The following RAPGEF5 variants were observed in gnomAD, a reference collection of about 807,000 sequenced individuals.
RAPGEF5 encodes the protein Rap guanine nucleotide exchange factor 5.
Under a neutral mutation model 125.2 loss-of-function variants are expected in RAPGEF5, and 65 were observed. The observed-to-expected ratio is 0.52, with a 90% confidence interval of 0.43 to 0.64. The LOEUF (loss-of-function observed/expected upper bound fraction) is 0.64. Among genes scored for constraint, RAPGEF5 ranks in the 30% least tolerant of loss-of-function variants. The pLI is 0.00. For missense variants in RAPGEF5, 958 were observed against 1,048.1 expected (o/e 0.91, Z 1.19); for synonymous variants, 391 against 385.9 (o/e 1.01, Z -0.16).
chr7:22,344,240 C>T (rs1784182466), intron 1 of RAPGEF5, among the ~76,000 whole-genome samples: 1 of 152,196 alleles, frequency 6.6e-6, no homozygotes, highest in South Asian at 2.1e-4. Flanking sequence ...CATGGCTACA[C>T]CTCCCACTGT....
chr7:22,151,758 C>T (rs1004600066), intron 17 of RAPGEF5, among the ~76,000 whole-genome samples: 5 of 152,144 alleles, frequency 3.3e-5, no homozygotes, highest in African/African-American at 4.8e-5. Flanking sequence ...GCCACTGCAC[C>T]CAGTCTGATC....
chr7:22,316,594 G>T (rs1458685354), intron 2 of RAPGEF5, among the ~76,000 whole-genome samples: 1 of 147,766 alleles, frequency 6.8e-6, no homozygotes, highest in Non-Finnish European at 1.5e-5. Context: ...AAGCTCAGTC[G>T]ATCCTCCCAC....
At chr7:22,189,984 T>A (rs897076305) in intron 11 of RAPGEF5, among the ~76,000 whole-genome samples, 29 of 152,084 alleles carry the variant, frequency 1.9e-4, no homozygotes, top group African/African-American at 6.8e-4. Flanking sequence ...TCTTTAAAAG[T>A]TTAGGAAATT....
intron 9 of RAPGEF5, among the ~76,000 whole-genome samples, chr7:22,213,494 T>C (rs1329072156): frequency 6.6e-6 from 1 of 152,238 alleles, no homozygotes; most frequent in African/African-American, 2.4e-5. Context: ...CCAGCTAGAC[T>C]GTAAACTTCT....
chr7:22,144,925 T>G, intron 20 of RAPGEF5, 119 bp downstream of exon 20: 1 of 1,176,660 alleles, frequency 8.5e-7, no homozygotes, highest in Non-Finnish European at 1.2e-6. Flanking sequence ...ATTTAGTCAT[T>G]TAACTCCATA....
At position 22,130,881 on chromosome 7, in the gene RAPGEF5, CAGCAAATAAGCTCCTTGAATGA is replaced by C. The variant is rs1358380427; in HGVS notation, c.2481+134_2481+155del. On this transcript the variant is annotated intron_variant, in intron 24 of 25. Transcript: ENST00000665637. ...CATTTTGTTGGCAGCGTACAACATG[CAGCAAATAAGCTCCTTGAATGA>C]AGCAAATAAGCTCCTTGAATTCGCC... 2.0e-4 allele frequency: 210 copies of C among 1,027,220 alleles called. 2 individuals carry two copies. The East Asian group carries it at 5.7e-3, about 28-fold the overall frequency. 63.6% of individuals were successfully genotyped at this position (1,027,220 alleles called of 1,614,324 possible). A position where few individuals can be genotyped will look rare whatever the true frequency, so the allele number is the denominator to read the frequency against.
intron 7 of RAPGEF5, among the ~76,000 whole-genome samples, chr7:22,253,303 C>A (rs544793155): frequency 6.6e-6 from 1 of 152,158 alleles, no homozygotes; most frequent in Non-Finnish European, 1.5e-5. Flanking sequence ...ACACATTCAG[C>A]GGGGTTATCA....
chr7:22,151,425 T>C (rs1783622421), intron 17 of RAPGEF5, among the ~76,000 whole-genome samples: 2 of 151,578 alleles, frequency 1.3e-5, no homozygotes, highest in Middle Eastern at 3.2e-3. Flanking sequence ...AAAATAGGTA[T>C]AAAACTTGCA....
chr7:22,188,927 C>T (rs1258287515), intron 11 of RAPGEF5, among the ~76,000 whole-genome samples: 1 of 151,954 alleles, frequency 6.6e-6, no homozygotes, highest in Non-Finnish European at 1.5e-5. Flanking sequence ...GCTCAACCTA[C>T]TATGTGTTGC....
At chr7:22,333,898 G>A (rs894121251) in intron 1 of RAPGEF5, among the ~76,000 whole-genome samples, 1 of 151,938 alleles carries the variant, frequency 6.6e-6, no homozygotes, top group Non-Finnish European at 1.5e-5. Flanking sequence ...GCCAGGGCAC[G>A]GCATGGCTTG....
intron 5 of RAPGEF5, among the ~76,000 whole-genome samples, chr7:22,307,269 C>G (rs1001800120): frequency 6.6e-6 from 1 of 152,140 alleles, no homozygotes; most frequent in Non-Finnish European, 1.5e-5. Flanking sequence ...TCTTTCACTT[C>G]TCTGGTTAGT....
chr7:22,275,097 C>G lies in RAPGEF5; in HGVS notation c.748-8085G>C, dbSNP rs561436359. On this transcript the variant is annotated intron_variant, in intron 6 of 25. Coordinates refer to ENST00000665637, the MANE Select transcript of RAPGEF5 (RefSeq NM_012294.5). ...ATATTCTGTCTGGAATGCCTCCCCACCTCCCCGCCTTGTATGGCTGTCACT... is the reference window on the plus strand; with the variant it reads ...ATATTCTGTCTGGAATGCCTCCCCAGCTCCCCGCCTTGTATGGCTGTCACT... Among the ~76,000 whole-genome samples, 6 of 152,286 alleles carry G rather than the reference C, an allele frequency of 3.9e-5. No individual in the cohort carries two copies. In the East Asian group the frequency reaches 5.8e-4, roughly 15 times the overall value.
In RAPGEF5 at chr7:22,347,943, A is replaced by G. The variant is rs762276576; in HGVS notation, c.231+8887T>C. The stretch of plus-strand genomic sequence containing the variant: ...TATATTTGGAGGTGAATGATTTCCA[A>G]TTCAACACCAGTAAAATATTTTGAT... On this transcript the variant is annotated intron_variant, in intron 1 of 25. Transcript: ENST00000665637. Among the ~76,000 whole-genome samples the G allele has an allele frequency of 1.6e-4, 24 of 152,222 alleles. No homozygotes were observed. The East Asian group carries it at 4.6e-3, about 29-fold the overall frequency.
chr7:22,240,022 A>G (rs182230297), intron 7 of RAPGEF5, among the ~76,000 whole-genome samples: 223 of 152,142 alleles, frequency 1.5e-3, no homozygotes, highest in African/African-American at 4.7e-3. Context: ...CAGCCTGCCC[A>G]ACATGGCAAA....
intron 7 of RAPGEF5, among the ~76,000 whole-genome samples, chr7:22,237,994 G>A (rs189644394): frequency 8.5e-5 from 13 of 152,264 alleles, no homozygotes; most frequent in African/African-American, 2.6e-4. Flanking sequence ...ATGAGAAAAG[G>A]GGAGAAATGC....
At chr7:22,122,724 C>T (rs1170752041) in intron 25 of RAPGEF5, among the ~76,000 whole-genome samples, 3 of 152,212 alleles carry the variant, frequency 2.0e-5, no homozygotes, top group Non-Finnish European at 2.9e-5. Context: ...ATCAGACTGG[C>T]AGGATACTTA....
intron 8 of RAPGEF5, 59 bp downstream of exon 8, chr7:22,230,787 G>C (rs1786036691): frequency 6.9e-7 from 1 of 1,452,322 alleles, no homozygotes; most frequent in Admixed American, 2.0e-5. Flanking sequence ...CACCTGCACT[G>C]TCTCACCACC....
At position 22,273,330 on chromosome 7, in the gene RAPGEF5, C is replaced by T. The variant is rs536900378; in HGVS notation, c.748-6318G>A. On this transcript the variant is annotated intron_variant, in intron 6 of 25. Coordinates refer to ENST00000665637, the MANE Select transcript of RAPGEF5 (RefSeq NM_012294.5). Reference sequence around the variant, plus strand: ...GCCTCCCGGGTTCACGCCATTCTCCCGCCTCAGCCTCCTGAGTAGCTGGGA... The same window carrying T: ...GCCTCCCGGGTTCACGCCATTCTCCTGCCTCAGCCTCCTGAGTAGCTGGGA... Among the ~76,000 whole-genome samples the T allele has an allele frequency of 1.8e-3, 276 of 151,406 alleles. 4 individuals carry two copies. Among genetic ancestry groups the T allele is most frequent in the Admixed American group, 0.017 (266 of 15,228 alleles).
chr7:22,308,773 C>T (rs1156779878), intron 4 of RAPGEF5, among the ~76,000 whole-genome samples: 1 of 152,114 alleles, frequency 6.6e-6, no homozygotes, highest in South Asian at 2.1e-4. Context: ...CAGATAAAAT[C>T]AATAACAATT....
Sources: allele counts gnomAD v4.1 joint callset (sites outside exome capture counted in the v4.1 genomes callset), GRCh38; gene constraint gnomAD v4.1.1; transcripts MANE v1.5; gene names NCBI Gene and HGNC (gene_info 2026-07-23, HGNC 2026-07-21).